The following NAV2 variants were observed in gnomAD, a reference collection of about 807,000 sequenced individuals.
NAV2 encodes helicase, APC down-regulated 1.
NAV2 carries 54 observed loss-of-function variants against 223.2 expected under a neutral mutation model. The ratio of observed to expected loss-of-function variants is 0.24; its 90% CI spans 0.19 to 0.30. NAV2 has a LOEUF of 0.30. NAV2 is among the 10% of genes least tolerant of loss of function. NAV2 has a pLI of 1.00. For synonymous variants in NAV2, 1,279 were observed against 1,239.3 expected (o/e 1.03, Z -0.67); for missense variants, 2,806 against 3,147.5 (o/e 0.89, Z 2.60).
intron 1 of NAV2, among the ~76,000 whole-genome samples, chr11:19,813,301 T>G (rs1170014032): frequency 6.6e-6 from 1 of 152,228 alleles, no homozygotes; most frequent in South Asian, 2.1e-4. Flanking sequence ...TTTGCTCTTG[T>G]GTGGCCTCAG....
intron 1 of NAV2, among the ~76,000 whole-genome samples, chr11:19,572,269 A>G (rs905509202): frequency 6.6e-6 from 1 of 152,192 alleles, no homozygotes; most frequent in Non-Finnish European, 1.5e-5. Flanking sequence ...GCTGAACTCT[A>G]AGATCAGGGA....
chr11:20,016,359 T>C (rs2054002804), intron 11 of NAV2, among the ~76,000 whole-genome samples: 1 of 152,196 alleles, frequency 6.6e-6, no homozygotes, highest in Admixed American at 6.5e-5. Flanking sequence ...AGATTTAGAA[T>C]GGGAAGGGCA....
At chr11:19,697,197 G>A (rs1015453547) in intron 1 of NAV2, among the ~76,000 whole-genome samples, 1 of 152,204 alleles carries the variant, frequency 6.6e-6, no homozygotes, top group Non-Finnish European at 1.5e-5. Context: ...AATATCGCAT[G>A]TTCTCACTTA....
intron 7 of NAV2, among the ~76,000 whole-genome samples, chr11:19,939,191 G>A (rs1285596472): frequency 6.6e-6 from 1 of 152,136 alleles, no homozygotes; most frequent in Non-Finnish European, 1.5e-5. Flanking sequence ...ACCCACTTCC[G>A]ACTGGTTTTA....
At chr11:19,402,937 A>G (rs976811669) in intron 1 of NAV2, among the ~76,000 whole-genome samples, 9 of 152,266 alleles carry the variant, frequency 5.9e-5, no homozygotes, top group African/African-American at 2.2e-4. Flanking sequence ...TTAAGGTTCA[A>G]CATTCATCCC....
At chr11:19,836,270 G>T (rs1180102961) in intron 2 of NAV2, among the ~76,000 whole-genome samples, 1 of 152,126 alleles carries the variant, frequency 6.6e-6, no homozygotes, top group Non-Finnish European at 1.5e-5. Context: ...TAAAAGCTCC[G>T]ATCTGGGCCA....
intron 3 of NAV2, among the ~76,000 whole-genome samples, chr11:19,851,982 G>A (rs934221977): frequency 1.3e-5 from 2 of 152,216 alleles, no homozygotes; most frequent in African/African-American, 4.8e-5. Flanking sequence ...TGCAGGCTTT[G>A]AAGGTGGAAG....
At chr11:19,487,425 G>T (rs2042480090) in intron 1 of NAV2, among the ~76,000 whole-genome samples, 1 of 152,074 alleles carries the variant, frequency 6.6e-6, no homozygotes, top group Admixed American at 6.5e-5. Context: ...CTCCCCTATT[G>T]ACTTGCTTCT....
At chr11:19,580,224 C>G (rs1438686735) in intron 1 of NAV2, among the ~76,000 whole-genome samples, 1 of 152,168 alleles carries the variant, frequency 6.6e-6, no homozygotes, top group Non-Finnish European at 1.5e-5. Flanking sequence ...CACCGAAACC[C>G]AGATGAAGGG....
At chr11:19,955,391 G>T (rs199759378) in intron 10 of NAV2, among the ~76,000 whole-genome samples, 1 of 150,136 alleles carries the variant, frequency 6.7e-6, no homozygotes, top group Non-Finnish European at 1.5e-5. Context: ...CCTTGTCTGA[G>T]AAAAAAAAAA....
chr11:19,372,067 C>T (rs139862712), intron 1 of NAV2, among the ~76,000 whole-genome samples: 1,686 of 152,296 alleles, frequency 0.011, 8 homozygotes, highest in Non-Finnish European at 0.017. Flanking sequence ...GCATGAGCCA[C>T]TGCACCTGGC....
Position 19,853,777 on chromosome 11 carries a change from C to T in NAV2, c.438+10854C>T, listed in dbSNP as rs544396499. Among the ~76,000 whole-genome samples, 11 of 150,878 alleles carry T rather than the reference C, an allele frequency of 7.3e-5. 1 individual carries two copies. The highest frequency in any genetic ancestry group is 4.2e-4 in the South Asian group (2 of 4,796). ...AACTTTTTTTTTTTTTTCCACTGAA[C>T]GTCTGGGGTGATAATTCTTTAGGAC... On this transcript the variant is annotated intron_variant, in intron 3 of 37. Coordinates refer to ENST00000349880, the MANE Select transcript of NAV2 (RefSeq NM_145117.5).
rs1321381589 is a variant in NAV2 at position 19,933,682 on chromosome 11, A to T, written c.1438A>T (p.Ser480Cys). ...TFSRALTNKK[S>C]SLKGNEKEKE... ...TAGCCGGGCACTGACCAACAAGAAG[A>T]GTTCTCTGAAAGGCAATGAGAAAGA... The change falls in exon 7 of 38, where the codon AGT becomes TGT. Residue 480 changes from serine (S) to cysteine (C), a missense_variant. Ser to Cys is a moderately radical substitution (Grantham distance 112). This residue lies in a region of NAV2 where 1,167 missense variants were observed against 1,180.5 expected (regional missense o/e 0.99). Transcript: ENST00000349880. This position sits in a 1 kb window ranked among gnomAD's most constrained non-coding sequence, Gnocchi z 4.3. 1 of 1,614,062 alleles carries T rather than the reference A, an allele frequency of 6.2e-7. No individual in the cohort carries two copies. The highest frequency in any genetic ancestry group is 1.3e-5 in the African/African-American group (1 of 74,920).
Position 19,958,773 on chromosome 11 carries a change from G to A in NAV2, c.2645+9693G>A, listed in dbSNP as rs574230053. ...GCTGGGCCTCACAGGATAAACAAGG[G>A]CCCAGGCAGACCAATAGCCTAAGGA... On this transcript the variant is annotated intron_variant, in intron 10 of 37. Coordinates refer to ENST00000349880, the MANE Select transcript of NAV2 (RefSeq NM_145117.5). Among the ~76,000 whole-genome samples, 4 of 152,304 alleles carry A rather than the reference G, an allele frequency of 2.6e-5. No homozygotes were observed. In the East Asian group the frequency reaches 7.7e-4, roughly 29 times the overall value.
chr11:19,890,046 A>G lies in NAV2; in HGVS notation c.771-2388A>G, dbSNP rs183330467. On this transcript the variant is annotated intron_variant, in intron 5 of 37. Transcript: ENST00000349880. The stretch of plus-strand genomic sequence containing the variant: ...CCAATCCCTTCATGAACCCGTGTTC[A>G]CTGGAGAAGACGAGAAAGGAAACTA... Among the ~76,000 whole-genome samples, 107 of 152,348 alleles carry G rather than the reference A, an allele frequency of 7.0e-4. 2 individuals are homozygous for G. The East Asian group carries it at 0.013, about 18-fold the overall frequency.
chr11:19,699,185 T>C (rs941609805), intron 1 of NAV2, among the ~76,000 whole-genome samples: 1 of 152,246 alleles, frequency 6.6e-6, no homozygotes, highest in Admixed American at 6.5e-5. Flanking sequence ...TAGCAAAGCA[T>C]GGAGTTTAGA....
intron 1 of NAV2, among the ~76,000 whole-genome samples, chr11:19,688,756 T>C (rs1400243779): frequency 6.6e-6 from 1 of 152,130 alleles, no homozygotes; most frequent in Non-Finnish European, 1.5e-5. Context: ...TATTATATAA[T>C]GTGGGGATAG....
At chr11:19,608,477 C>T (rs1355095287) in intron 1 of NAV2, among the ~76,000 whole-genome samples, 2 of 152,268 alleles carry the variant, frequency 1.3e-5, no homozygotes, top group East Asian at 1.9e-4. Flanking sequence ...AGCCCAAGTC[C>T]ACTTCGGGAT....
chr11:19,351,994 TG>T (rs1853354900), intron 1 of NAV2, among the ~76,000 whole-genome samples: 1 of 151,644 alleles, frequency 6.6e-6, no homozygotes, highest in African/African-American at 2.4e-5. Flanking sequence ...TGTGTGTGTG[TG>T]TGTGTGTGTG....
Sources: gnomAD v4.1 joint callset for allele counts (sites outside exome capture counted in the v4.1 genomes callset) on GRCh38, gnomAD v4.1.1 for gene constraint, gnomAD v4.1.1 regional missense constraint, Gnocchi (gnomAD v3.1) non-coding constraint, MANE v1.5 for transcripts, NCBI Gene and HGNC (gene_info 2026-07-23, HGNC 2026-07-21) for gene names.